CPQ: variants seen among roughly 807,000 people sequenced by gnomAD.
The protein encoded by CPQ is carboxypeptidase Q.
CPQ carries 37 observed loss-of-function variants against 45.7 expected under a neutral mutation model. The ratio of observed to expected loss-of-function variants is 0.81; its 90% CI spans 0.62 to 1.07. CPQ has a LOEUF of 1.07. Among genes scored for constraint, CPQ ranks in the 50% least tolerant of loss-of-function variants. CPQ has a pLI of 0.00. For synonymous variants in CPQ, 186 were observed against 205.8 expected, an observed-to-expected ratio of 0.90 and a Z score of 0.82; for missense variants, 537 against 572.9, an observed-to-expected ratio of 0.94 and a Z score of 0.64.
At chr8:97,078,763 TTCTCTCTCTC>T (rs749278181) in intron 7 of CPQ, among the ~76,000 whole-genome samples, 1,458 of 100,366 alleles carry the variant, frequency 0.015, 14 homozygotes, top group Admixed American at 0.027. Context: ...TCATTTCCAT[TTCTCTCTCTC>T]TCTCTCTCTC....
chr8:97,075,211 C>A (rs771546916), intron 7 of CPQ, among the ~76,000 whole-genome samples: 6 of 152,162 alleles, frequency 3.9e-5, no homozygotes, highest in Non-Finnish European at 8.8e-5. Context: ...ATTGTATGTA[C>A]TATAATGACC....
At chr8:96,986,357 T>C (rs1173044454) in intron 5 of CPQ, among the ~76,000 whole-genome samples, 3 of 152,338 alleles carry the variant, frequency 2.0e-5, no homozygotes, top group African/African-American at 4.8e-5. Context: ...TATTAGTGAT[T>C]CTTCCCAGCT....
At chr8:96,718,376 G>A (rs1334053875) in intron 1 of CPQ, among the ~76,000 whole-genome samples, 4 of 152,200 alleles carry the variant, frequency 2.6e-5, no homozygotes, top group East Asian at 1.9e-4. Flanking sequence ...TGGTGGGTTC[G>A]TGGTCTCACT....
chr8:97,061,992 A>G (rs927294819), intron 6 of CPQ, among the ~76,000 whole-genome samples: 1 of 152,134 alleles, frequency 6.6e-6, no homozygotes, highest in African/African-American at 2.4e-5. Context: ...TGCCACATAT[A>G]TAGCCTAGGG....
In CPQ at chr8:96,854,526, G is replaced by A. The variant is rs1174432816; in HGVS notation, c.641+19346G>A. Among the ~76,000 whole-genome samples the A allele has an allele frequency of 7.4e-4, 14 of 18,968 alleles. No homozygotes were observed. The South Asian group carries it at 0.016, about 21-fold the overall frequency. 12.4% of individuals were successfully genotyped at this position (18,968 alleles called of 152,430 possible). The stretch of plus-strand genomic sequence containing the variant: ...AGCCTGGGCGACAGAGCGAGACTCC[G>A]TCTCAAAAAAAAAAAAAAAAAAAAA... On this transcript the variant is annotated intron_variant, in intron 3 of 7. Coordinates refer to ENST00000220763, the MANE Select transcript of CPQ (RefSeq NM_016134.4).
chr8:96,966,037 A>C lies in CPQ; in HGVS notation c.952A>C (p.Lys318Gln), dbSNP rs1237139228. The part of the protein sequence containing the change: ...FISWEALSLI[K>Q]DLGLRPKRTL... ...ATCATGGGAAGCACTCTCACTTATT[A>C]AAGATCTTGGTAAATATTTAGAAAA... is the stretch of plus-strand genomic sequence containing the variant. Residue 318 changes from lysine (K) to glutamine (Q), a missense_variant, in exon 5 of 8, where the codon AAA becomes CAA. Transcript: ENST00000220763. 5 of 1,609,530 alleles carry C rather than the reference A, an allele frequency of 3.1e-6. No individual in the cohort carries two copies. In the Admixed American group the frequency reaches 8.4e-5, roughly 27 times the overall value.
chr8:96,893,872 A>C (rs1225897486), intron 4 of CPQ, among the ~76,000 whole-genome samples: 1 of 152,038 alleles, frequency 6.6e-6, no homozygotes, highest in Non-Finnish European at 1.5e-5. Flanking sequence ...TTTTTTTTAA[A>C]ATTTCTGTTT....
At chr8:96,824,802 C>G (rs1490737766) in intron 2 of CPQ, among the ~76,000 whole-genome samples, 1 of 151,980 alleles carries the variant, frequency 6.6e-6, no homozygotes, top group African/African-American at 2.4e-5. Flanking sequence ...TAAAAACTTC[C>G]TATTCATTTT....
chr8:96,676,247 C>A (rs2130724756), intron 1 of CPQ, among the ~76,000 whole-genome samples: 1 of 152,146 alleles, frequency 6.6e-6, no homozygotes, highest in Middle Eastern at 3.4e-3. Context: ...ACCAATCTCT[C>A]TTCATCCCTC....
At chr8:97,123,179 TAAAATAAAATAAAATAAAATAAAATAA>T (rs1811779837) in intron 7 of CPQ, among the ~76,000 whole-genome samples, 3 of 25,116 alleles carry the variant, frequency 1.2e-4, no homozygotes, top group African/African-American at 1.9e-4. Context: ...AAATAAAATA[TAAAATAAAATAAAATAAAATAAAATAA>T]AAAATAAAAT....
At chr8:96,979,051 A>T (rs1813838884) in intron 5 of CPQ, among the ~76,000 whole-genome samples, 4 of 45,600 alleles carry the variant, frequency 8.8e-5, no homozygotes, top group African/African-American at 6.0e-4. Flanking sequence ...AGGAAGTGGT[A>T]AAAAAAAAAA....
intron 1 of CPQ, among the ~76,000 whole-genome samples, chr8:96,717,043 A>C: frequency 2.6e-5 from 1 of 37,904 alleles, no homozygotes; most frequent in East Asian, 6.5e-4. Context: ...ATATATATAT[A>C]TATATATATA....
At chr8:96,928,439 T>G (rs1001394309) in intron 4 of CPQ, among the ~76,000 whole-genome samples, 1 of 151,216 alleles carries the variant, frequency 6.6e-6, no homozygotes, top group Non-Finnish European at 1.5e-5. Context: ...GGGGACTGCA[T>G]GAGAGAGAGA....
intron 4 of CPQ, among the ~76,000 whole-genome samples, chr8:96,905,910 T>C (rs1812570161): frequency 1.3e-5 from 2 of 152,142 alleles, no homozygotes; most frequent in African/African-American, 4.8e-5. Flanking sequence ...ACTGTTAGCA[T>C]GCAGTTGTGA....
chr8:96,683,018 C>G (rs1809171349), intron 1 of CPQ, among the ~76,000 whole-genome samples: 1 of 152,046 alleles, frequency 6.6e-6, no homozygotes, highest in Non-Finnish European at 1.5e-5. Flanking sequence ...TATCATTTGT[C>G]TCTTTCTTCC....
At chr8:97,031,439 G>A (rs1035575337) in intron 6 of CPQ, among the ~76,000 whole-genome samples, 2 of 152,026 alleles carry the variant, frequency 1.3e-5, no homozygotes, top group Admixed American at 1.3e-4. Context: ...GCCCGCCTCG[G>A]CCTCCCAAAG....
At chr8:97,080,563 A>G (rs1224385267) in intron 7 of CPQ, among the ~76,000 whole-genome samples, 1 of 152,218 alleles carries the variant, frequency 6.6e-6, no homozygotes, top group Non-Finnish European at 1.5e-5. Context: ...GGATAATTTC[A>G]TTAGCTTAAA....
intron 1 of CPQ, among the ~76,000 whole-genome samples, chr8:96,678,733 C>A (rs1311464195): frequency 1.4e-5 from 2 of 142,494 alleles, no homozygotes; most frequent in Non-Finnish European, 1.5e-5. Flanking sequence ...GACCCTTTGC[C>A]CACTTTTTAA....
At chr8:96,809,644 C>T (rs189646604) in intron 2 of CPQ, among the ~76,000 whole-genome samples, 3 of 152,184 alleles carry the variant, frequency 2.0e-5, no homozygotes, top group African/African-American at 7.2e-5. Context: ...TGGAAATATT[C>T]TATCTCTTGA....
Sources: gnomAD v4.1 joint callset for allele counts (sites outside exome capture counted in the v4.1 genomes callset) on GRCh38, gnomAD v4.1.1 for gene constraint, MANE v1.5 for transcripts, NCBI Gene and HGNC (gene_info 2026-07-23, HGNC 2026-07-21) for gene names.